FOXP1: variants seen among roughly 807,000 people sequenced by gnomAD.
FOXP1 encodes the protein forkhead box protein P1.
Under a neutral mutation model 98.2 loss-of-function variants are expected in FOXP1, and 15 were observed. That is an observed-to-expected ratio of 0.15 (90% CI 0.10 to 0.24). FOXP1 has a LOEUF of 0.24. Among genes scored for constraint, FOXP1 ranks in the 10% least tolerant of loss-of-function variants. FOXP1 has a pLI of 1.00. For missense variants in FOXP1, 633 were observed against 848.5 expected (o/e 0.75, Z 3.15); for synonymous variants, 371 against 314.5 (o/e 1.18, Z -1.90).
chr3:71,218,701 G>C (rs1467402015), intron 5 of FOXP1, among the ~76,000 whole-genome samples: 5 of 152,182 alleles, frequency 3.3e-5, no homozygotes, highest in African/African-American at 4.8e-5. Flanking sequence ...AAACAAACGG[G>C]TGTGGCTGTT....
At chr3:71,285,341 T>C (rs982977009) in intron 5 of FOXP1, among the ~76,000 whole-genome samples, 1 of 152,184 alleles carries the variant, frequency 6.6e-6, no homozygotes, top group Non-Finnish European at 1.5e-5. Context: ...AACTCAACTA[T>C]TCAAAAAATG....
chr3:70,980,217 C>T (rs1228953535), intron 14 of FOXP1, among the ~76,000 whole-genome samples: 3 of 152,140 alleles, frequency 2.0e-5, no homozygotes, highest in African/African-American at 7.2e-5. Flanking sequence ...ACCTCTTCTT[C>T]ACCTCGGGCC....
At chr3:71,209,345 G>C (rs2064286779) in intron 5 of FOXP1, among the ~76,000 whole-genome samples, 1 of 152,042 alleles carries the variant, frequency 6.6e-6, no homozygotes. Flanking sequence ...AAATATATGG[G>C]TCAAACACAG....
chr3:71,351,794 C>A (rs1267704292), intron 4 of FOXP1, among the ~76,000 whole-genome samples: 1 of 151,984 alleles, frequency 6.6e-6, no homozygotes, highest in Admixed American at 6.6e-5. Flanking sequence ...TGGTCAGAGG[C>A]TAATATGAAG....
intron 6 of FOXP1, among the ~76,000 whole-genome samples, chr3:71,149,221 C>T (rs1036134183): frequency 1.3e-5 from 2 of 152,062 alleles, no homozygotes; most frequent in African/African-American, 2.4e-5. Flanking sequence ...TGCCTGTCTG[C>T]GTGGGCTATG....
rs1044597139 is a variant in FOXP1, at chr3:70,960,254, G to A, written c.1890-863C>T. On this transcript the variant is annotated intron_variant, in intron 20 of 20. Transcript: ENST00000649528. ...AACACAAACGTAGAGGAAAAGGCTC[G>A]CTCAACACAACAATATGATAAGAAA... Among the ~76,000 whole-genome samples the A allele has an allele frequency of 3.9e-5, 6 of 152,250 alleles. No homozygotes were observed. The East Asian group carries it at 7.7e-4, about 20-fold the overall frequency.
intron 12 of FOXP1, among the ~76,000 whole-genome samples, chr3:71,010,025 G>A (rs2043361600): frequency 6.6e-6 from 1 of 151,340 alleles, no homozygotes; most frequent in African/African-American, 2.4e-5. Context: ...AAATGCATTG[G>A]GATTACAGGG....
chr3:71,252,730 T>C (rs905585615), intron 5 of FOXP1, among the ~76,000 whole-genome samples: 5 of 152,226 alleles, frequency 3.3e-5, no homozygotes, highest in Non-Finnish European at 7.3e-5. Flanking sequence ...TGAAACAAAA[T>C]GTCCTAGGCC....
At chr3:71,176,301 A>G (rs959754365) in intron 6 of FOXP1, among the ~76,000 whole-genome samples, 1 of 152,142 alleles carries the variant, frequency 6.6e-6, no homozygotes, top group Non-Finnish European at 1.5e-5. Context: ...AACTCAAAAT[A>G]GCTGCTTTTC....
At chr3:71,115,528 G>T (rs187295769) in intron 6 of FOXP1, among the ~76,000 whole-genome samples, 18 of 151,544 alleles carry the variant, frequency 1.2e-4, no homozygotes, top group Non-Finnish European at 1.6e-4. Flanking sequence ...GTAGAGACGG[G>T]GTTTCACCAT....
At chr3:71,561,093 G>A (rs1412735007) in intron 2 of FOXP1, among the ~76,000 whole-genome samples, 2 of 152,104 alleles carry the variant, frequency 1.3e-5, no homozygotes, top group Admixed American at 1.3e-4. Context: ...GTGTCACTCT[G>A]TCACCCAGGC....
chr3:71,127,381 C>A (rs188368837), intron 6 of FOXP1, among the ~76,000 whole-genome samples: 49 of 152,246 alleles, frequency 3.2e-4, no homozygotes, highest in African/African-American at 1.2e-3. Flanking sequence ...AGTTAAATTG[C>A]CAACATCATA....
intron 10 of FOXP1, among the ~76,000 whole-genome samples, chr3:71,043,423 T>C (rs560023411): frequency 5.3e-5 from 8 of 152,136 alleles, no homozygotes; most frequent in Non-Finnish European, 1.0e-4. Context: ...ATCTGAACTA[T>C]TATTTTCCAA....
chr3:71,088,253 T>C (rs143238749), intron 7 of FOXP1, among the ~76,000 whole-genome samples: 3 of 152,364 alleles, frequency 2.0e-5, no homozygotes, highest in Non-Finnish European at 4.4e-5. Context: ...TCAAGGTCTC[T>C]ACTCAAAGAC....
intron 3 of FOXP1, among the ~76,000 whole-genome samples, chr3:71,430,864 G>A (rs1275571660): frequency 2.6e-5 from 4 of 152,196 alleles, no homozygotes; most frequent in Non-Finnish European, 5.9e-5. Flanking sequence ...TGGCAAGAAT[G>A]GCCACAGGGG....
chr3:71,108,601 A>G (rs564063055), intron 7 of FOXP1, among the ~76,000 whole-genome samples: 1 of 152,268 alleles, frequency 6.6e-6, no homozygotes, highest in Admixed American at 6.5e-5. Flanking sequence ...CCAAGTCTCT[A>G]CTAAAATTAC....
chr3:70,980,478 T>TACTC (rs1298323777), intron 14 of FOXP1, among the ~76,000 whole-genome samples: 1 of 152,220 alleles, frequency 6.6e-6, no homozygotes, highest in African/African-American at 2.4e-5. Context: ...GAGATGTTAT[T>TACTC]ACTCATACTT....
chr3:70,972,128 T>A lies in FOXP1; in HGVS notation c.1652+427A>T, dbSNP rs994765397. Reference sequence around the variant, plus strand: ...AACTGTCCAAAAGGACCCAAACTCATCCTCTACTCTGATAAAGCACTTATG... The same window carrying A: ...AACTGTCCAAAAGGACCCAAACTCAACCTCTACTCTGATAAAGCACTTATG... On this transcript the variant is annotated intron_variant, in intron 18 of 20. Coordinates refer to ENST00000649528, the MANE Select transcript of FOXP1 (RefSeq NM_001349338.3). 9 of 1,533,784 alleles carry A rather than the reference T, an allele frequency of 5.9e-6. No individual in the cohort carries two copies. The African/African-American group carries it at 1.2e-4, about 21-fold the overall frequency.
At chr3:71,510,055 C>T (rs889891930) in intron 2 of FOXP1, among the ~76,000 whole-genome samples, 1 of 152,088 alleles carries the variant, frequency 6.6e-6, no homozygotes, top group Non-Finnish European at 1.5e-5. Flanking sequence ...GTGGCAGGCA[C>T]CTGTAATCCC....
Sources: allele counts gnomAD v4.1 joint callset (sites outside exome capture counted in the v4.1 genomes callset), GRCh38; gene constraint gnomAD v4.1.1; transcripts MANE v1.5; gene names NCBI Gene and HGNC (gene_info 2026-07-23, HGNC 2026-07-21).